Variants in NEDD4 observed in about 807,000 individuals in gnomAD.
NEDD4 encodes the protein NEDD4 E3 ubiquitin protein ligase.
Under a neutral mutation model 144.9 loss-of-function variants are expected in NEDD4, and 99 were observed. That is an observed-to-expected ratio of 0.68 (90% confidence interval 0.58 to 0.81). The LOEUF (loss-of-function observed/expected upper bound fraction) is 0.81, where lower values mean the gene tolerates loss of function less well. Among genes scored for constraint, NEDD4 ranks in the 30% least tolerant of loss-of-function variants. NEDD4 has a pLI of 0.00. For missense variants in NEDD4, 985 were observed against 1,065.9 expected, an observed-to-expected ratio of 0.92 and a Z score of 1.06; for synonymous variants, 318 against 350.6, an observed-to-expected ratio of 0.91 and a Z score of 1.04.
chr15:55,930,906 T>C (rs923538692), intron 4 of NEDD4, among the ~76,000 whole-genome samples: 1 of 152,204 alleles, frequency 6.6e-6, no homozygotes, highest in South Asian at 2.1e-4. Flanking sequence ...CTCTTTCCTT[T>C]ATAAATTATC....
chr15:55,953,685 G>A (rs2037285937), intron 2 of NEDD4, among the ~76,000 whole-genome samples: 1 of 151,792 alleles, frequency 6.6e-6, no homozygotes, highest in African/African-American at 2.4e-5. Context: ...CAGGTGATCT[G>A]CCCGCCTTGG....
intron 4 of NEDD4, among the ~76,000 whole-genome samples, chr15:55,944,257 A>G (rs2037065856): frequency 1.3e-5 from 2 of 152,224 alleles, no homozygotes; most frequent in African/African-American, 4.8e-5. Flanking sequence ...GATAAACTGT[A>G]CCTGGAAAAA....
chr15:55,938,209 A>C (rs1160709001), intron 4 of NEDD4, among the ~76,000 whole-genome samples: 1 of 152,114 alleles, frequency 6.6e-6, no homozygotes, highest in Admixed American at 6.5e-5. Context: ...AAATACAAAA[A>C]TTAGCTGGGC....
chr15:55,891,580 G>C (rs571907579), intron 5 of NEDD4, among the ~76,000 whole-genome samples: 1 of 152,048 alleles, frequency 6.6e-6, no homozygotes, highest in Admixed American at 6.6e-5. Context: ...TTTGCATTTG[G>C]TATAATATAA....
chr15:55,951,133 G>A (rs1283204027), intron 4 of NEDD4, among the ~76,000 whole-genome samples: 1 of 152,126 alleles, frequency 6.6e-6, no homozygotes, highest in Non-Finnish European at 1.5e-5. Flanking sequence ...CTCAACTGGA[G>A]TAAGACTACT....
intron 4 of NEDD4, among the ~76,000 whole-genome samples, chr15:55,929,890 T>C (rs1167676065): frequency 6.6e-6 from 1 of 151,316 alleles, no homozygotes; most frequent in East Asian, 2.0e-4. Context: ...AACAAGATAC[T>C]AAAAAAGGGA....
intron 5 of NEDD4, among the ~76,000 whole-genome samples, chr15:55,913,629 C>T (rs1181874938): frequency 3.3e-5 from 5 of 151,924 alleles, no homozygotes; most frequent in African/African-American, 9.7e-5. Flanking sequence ...CAAAGTTATA[C>T]ATTTGATTGT....
intron 1 of NEDD4, among the ~76,000 whole-genome samples, chr15:55,990,545 G>C (rs1277293394): frequency 6.6e-6 from 1 of 152,192 alleles, no homozygotes; most frequent in Non-Finnish European, 1.5e-5. Context: ...AGAAAATTTA[G>C]ATGTTTACAT....
At chr15:55,866,857 G>C (rs930288605) in intron 8 of NEDD4, among the ~76,000 whole-genome samples, 6 of 152,238 alleles carry the variant, frequency 3.9e-5, no homozygotes, top group South Asian at 4.2e-4. Context: ...TGGATAGAAG[G>C]CCTTCCTATT....
rs1456529876 is a variant in NEDD4 at position 55,850,687 on chromosome 15, G to A, written c.1202C>T (p.Ser401Leu). 1.9e-6 allele frequency: 3 copies of A among 1,613,956 alleles called. No individual in the cohort carries two copies. The highest frequency in any genetic ancestry group is 2.5e-6 in the Non-Finnish European group (3 of 1,180,030). Reference sequence around the variant, plus strand: ...GCCTGAATCACTGGTGGAGGCTTGTGATTGAGGGCCTGCAGAACTCTGGCT... The same window carrying A: ...GCCTGAATCACTGGTGGAGGCTTGTAATTGAGGGCCTGCAGAACTCTGGCT... The part of the protein sequence containing the change: ...TSSQSSAGPQ[S>L]QASTSDSGQQ... Residue 401 changes from serine (S) to leucine (L), a missense_variant, in exon 14 of 29, where the codon TCA (serine) becomes TTA (leucine). Ser to Leu is a moderately radical substitution (Grantham distance 145, BLOSUM62 -2). Coordinates refer to ENST00000435532, the MANE Select transcript of NEDD4 (RefSeq NM_006154.4).
intron 5 of NEDD4, among the ~76,000 whole-genome samples, chr15:55,879,893 C>T (rs1264399441): frequency 7.2e-5 from 11 of 152,182 alleles, no homozygotes; most frequent in African/African-American, 2.6e-4. Context: ...CAAAAGTCAA[C>T]ATCGAAATAA....
chr15:55,878,485 CT>C (rs1290829755), intron 5 of NEDD4, among the ~76,000 whole-genome samples: 13 of 152,102 alleles, frequency 8.5e-5, no homozygotes, highest in Admixed American at 8.5e-4. Context: ...TTCAAACCCC[CT>C]GGAATAGCTA....
chr15:55,876,162 T>C (rs1248760633), intron 5 of NEDD4, among the ~76,000 whole-genome samples: 4 of 151,884 alleles, frequency 2.6e-5, no homozygotes. Context: ...AAACTATCCA[T>C]AAAAAAGGGA....
chr15:55,937,446 T>G (rs764457924), intron 4 of NEDD4, among the ~76,000 whole-genome samples: 2 of 152,170 alleles, frequency 1.3e-5, no homozygotes, highest in African/African-American at 4.8e-5. Flanking sequence ...CATAATGAAT[T>G]AGCATTGATC....
chr15:55,974,872 T>G (rs1317913509), intron 1 of NEDD4, among the ~76,000 whole-genome samples: 2 of 148,072 alleles, frequency 1.4e-5, no homozygotes, highest in East Asian at 2.0e-4. Context: ...AAGATAAGGA[T>G]GTCCATTTCT....
Position 55,992,304 on chromosome 15 carries a change from A to G in NEDD4, c.45+1207T>C, listed in dbSNP as rs1405804632. Among the ~76,000 whole-genome samples the G allele has an allele frequency of 3.3e-5, 5 of 152,364 alleles. No homozygotes were observed. In the South Asian group the frequency reaches 1.0e-3, roughly 32 times the overall value. ...CTGGCAGCAATAGCTAGGAAATTAA[A>G]TTCTAATCGCATCACGTAAGCATTC... On this transcript the variant is annotated intron_variant, in intron 1 of 28. Transcript: ENST00000435532.
intron 1 of NEDD4, among the ~76,000 whole-genome samples, chr15:55,993,027 A>C (rs964754906): frequency 6.6e-6 from 1 of 152,196 alleles, no homozygotes; most frequent in African/African-American, 2.4e-5. Flanking sequence ...AAAAAAACAA[A>C]CCAGCGAATG....
intron 1 of NEDD4, among the ~76,000 whole-genome samples, chr15:55,989,128 C>T (rs1453417504): frequency 6.6e-6 from 1 of 152,056 alleles, no homozygotes; most frequent in Admixed American, 6.6e-5. Flanking sequence ...CCCAGCTACC[C>T]TGGAGGGTGA....
intron 7 of NEDD4, among the ~76,000 whole-genome samples, chr15:55,869,971 G>C (rs1212386012): frequency 6.6e-6 from 1 of 152,200 alleles, no homozygotes; most frequent in Non-Finnish European, 1.5e-5. Context: ...GCTGGCCTTT[G>C]AGTTGGGGTT....
Sources: allele counts gnomAD v4.1 joint callset (sites outside exome capture counted in the v4.1 genomes callset), GRCh38; gene constraint gnomAD v4.1.1; transcripts MANE v1.5; gene names NCBI Gene and HGNC (gene_info 2026-07-23, HGNC 2026-07-21).